Variants in C1orf21 observed in about 807,000 individuals in gnomAD.
C1orf21 encodes the protein chromosome 1 open reading frame 21, also known as uncharacterized protein C1orf21.
In C1orf21, 3 loss-of-function variants were observed where a neutral mutation model predicts 18.7. That is an observed-to-expected ratio of 0.16 (90% confidence interval 0.07 to 0.42). C1orf21 has a LOEUF of 0.42. Ranked by LOEUF, C1orf21 falls within the 10% of genes least tolerant of loss-of-function variation. The pLI is 0.99. For missense variants in C1orf21, 104 were observed against 143.6 expected (o/e 0.72, Z 1.41); for synonymous variants, 41 against 46.4 (o/e 0.88, Z 0.47).
At chr1:184,574,424 A>G (rs1452921919) in intron 3 of C1orf21, among the ~76,000 whole-genome samples, 1 of 152,234 alleles carries the variant, frequency 6.6e-6, no homozygotes, top group Non-Finnish European at 1.5e-5. Context: ...GAATTAACAA[A>G]CCATATAAGT....
At chr1:184,515,593 A>G (rs570618032) in intron 3 of C1orf21, among the ~76,000 whole-genome samples, 2 of 152,324 alleles carry the variant, frequency 1.3e-5, no homozygotes, top group South Asian at 4.1e-4. Flanking sequence ...ATTTTGGCAG[A>G]TAAAGGACAT....
In C1orf21 at chr1:184,624,959, T is replaced by G. The variant is rs937133126; in HGVS notation, c.*5403T>G. ...AAACAATGTCCTTGTGTAAAGGGGC[T>G]GTCATATCCAGTTTTCCTTTGAAAT... On this transcript the variant is annotated 3_prime_UTR_variant, in exon 6 of 6. Coordinates refer to ENST00000235307, the MANE Select transcript of C1orf21 (RefSeq NM_030806.4). 3.9e-5 allele frequency: 6 copies of G among 152,204 alleles called. No homozygotes were observed. Among genetic ancestry groups the G allele is most frequent in the Non-Finnish European group, 8.8e-5 (6 of 68,028 alleles). The allele number at this position is 152,204 out of a possible 1,614,324, so 9.4% of individuals were successfully genotyped here.
At position 184,572,912 on chromosome 1, in the gene C1orf21, C is replaced by A. The variant is rs930331279; in HGVS notation, c.190-17827C>A. On this transcript the variant is annotated intron_variant, in intron 3 of 5. Coordinates refer to ENST00000235307, the MANE Select transcript of C1orf21 (RefSeq NM_030806.4). ...GTTGCAGTGAGCCAAGATCACGCCA[C>A]TGTACTCTAGCCTGGGAGACAGAGC... Among the ~76,000 whole-genome samples, 4 of 149,680 alleles carry A rather than the reference C, an allele frequency of 2.7e-5. No individual in the cohort carries two copies. In the East Asian group the frequency reaches 5.9e-4, roughly 22 times the overall value.
chr1:184,445,374 C>CTT (rs397756995), intron 1 of C1orf21, among the ~76,000 whole-genome samples: 28 of 151,208 alleles, frequency 1.9e-4, no homozygotes, highest in Admixed American at 4.6e-4. Context: ...CTCTCTCTCT[C>CTT]GCAAGGAGCT....
intron 3 of C1orf21, among the ~76,000 whole-genome samples, chr1:184,539,263 T>C (rs1259777524): frequency 1.3e-5 from 2 of 152,208 alleles, no homozygotes; most frequent in Non-Finnish European, 2.9e-5. Context: ...TATGTTTTTT[T>C]CCCTTTATTC....
chr1:184,531,753 G>A (rs1409370081), intron 3 of C1orf21, among the ~76,000 whole-genome samples: 1 of 152,036 alleles, frequency 6.6e-6, no homozygotes, highest in African/African-American at 2.4e-5. Flanking sequence ...AGGGTCAAGA[G>A]CAGGTCAGTC....
intron 1 of C1orf21, among the ~76,000 whole-genome samples, chr1:184,463,178 C>T (rs1411238274): frequency 6.6e-5 from 10 of 151,680 alleles, no homozygotes; most frequent in Non-Finnish European, 1.2e-4. Flanking sequence ...GGCATCAGCT[C>T]AGCTATGACC....
chr1:184,559,656 C>T (rs1186054708), intron 3 of C1orf21, among the ~76,000 whole-genome samples: 1 of 126,782 alleles, frequency 7.9e-6, no homozygotes, highest in African/African-American at 2.8e-5. Flanking sequence ...TTCACATGTT[C>T]TGTCACCCAG....
At position 184,425,767 on chromosome 1, in the gene C1orf21, C is replaced by A. The variant is rs966166379; in HGVS notation, c.-125+38399C>A. On this transcript the variant is annotated intron_variant, in intron 1 of 5. Coordinates refer to ENST00000235307, the MANE Select transcript of C1orf21 (RefSeq NM_030806.4). ...TTTTGAAAAACCTTTCCTTACTTGCCTGGCAGAATTAATTTTTCTTACCAG... is the reference window on the plus strand; with the variant it reads ...TTTTGAAAAACCTTTCCTTACTTGCATGGCAGAATTAATTTTTCTTACCAG... Among the ~76,000 whole-genome samples the A allele has an allele frequency of 6.6e-5, 10 of 152,298 alleles. No homozygotes were observed. The South Asian group carries it at 8.3e-4, about 13-fold the overall frequency.
At position 184,612,894 on chromosome 1, in the gene C1orf21, A is replaced by AGG. The variant is rs1659759995; in HGVS notation, c.328-6624_328-6623insGG. Reference sequence around the variant, plus strand: ...TATAGTATATTATTAGAATTGTTCTATTATTAGTTGTTACTGTTGTTACTC... The same window carrying AGG: ...TATAGTATATTATTAGAATTGTTCTAGGTTATTAGTTGTTACTGTTGTTACTC... On this transcript the variant is annotated intron_variant, in intron 5 of 5. Coordinates refer to ENST00000235307, the MANE Select transcript of C1orf21 (RefSeq NM_030806.4). 2.0e-5 allele frequency among the ~76,000 whole-genome samples: 3 copies of AGG among 152,162 alleles called. No individual in the cohort carries two copies. In the South Asian group the frequency reaches 6.2e-4, roughly 31 times the overall value.
rs1449968559 is a variant in C1orf21, at chr1:184,387,458, A to T, written c.-125+90A>T. 1 of 152,242 alleles carries T rather than the reference A, an allele frequency of 6.6e-6. No individual in the cohort carries two copies. The highest frequency in any genetic ancestry group is 1.5e-5 in the Non-Finnish European group (1 of 68,170). 9.4% of individuals were successfully genotyped at this position (152,242 alleles called of 1,614,324 possible). ...GCTACCCGGGCATCCCCGGGTGGGC[A>T]GGGAGGGAGGCCTGCGGGGTGTCTG... is the stretch of plus-strand genomic sequence containing the variant. On this transcript the variant is annotated intron_variant, in intron 1 of 5. Transcript: ENST00000235307. The surrounding 1 kb of genome is among the most constrained non-coding windows in gnomAD (Gnocchi z 5.6).
chr1:184,610,907 G>A (rs1571301163), intron 5 of C1orf21, among the ~76,000 whole-genome samples: 2 of 151,558 alleles, frequency 1.3e-5, no homozygotes, highest in Admixed American at 6.6e-5. Context: ...ATGGGGATTC[G>A]GGTATAATAA....
At chr1:184,453,191 A>T (rs1657149416) in intron 1 of C1orf21, among the ~76,000 whole-genome samples, 1 of 152,146 alleles carries the variant, frequency 6.6e-6, no homozygotes, top group South Asian at 2.1e-4. Flanking sequence ...ATTTTAAAGA[A>T]CTGAACCCCA....
chr1:184,405,409 T>C (rs976344886), intron 1 of C1orf21, among the ~76,000 whole-genome samples: 6 of 152,118 alleles, frequency 3.9e-5, no homozygotes, highest in Non-Finnish European at 7.4e-5. Context: ...TTGCCCAGGC[T>C]GGTCTTGAAC....
chr1:184,424,981 A>G (rs1656610723), intron 1 of C1orf21, among the ~76,000 whole-genome samples: 2 of 152,318 alleles, frequency 1.3e-5, no homozygotes, highest in African/African-American at 2.4e-5. Flanking sequence ...TCCATCCTGC[A>G]TTTATGAACA....
At chr1:184,513,191 A>T (rs1658177238) in intron 3 of C1orf21, among the ~76,000 whole-genome samples, 1 of 152,224 alleles carries the variant, frequency 6.6e-6, no homozygotes, top group African/African-American at 2.4e-5. Flanking sequence ...TATTAGAAGA[A>T]ATTATGTGAG....
intron 1 of C1orf21, among the ~76,000 whole-genome samples, chr1:184,403,144 A>G (rs1656190485): frequency 6.6e-6 from 1 of 152,214 alleles, no homozygotes; most frequent in Non-Finnish European, 1.5e-5. Context: ...CTTAACATGT[A>G]CAAGAATGCA....
At chr1:184,536,846 T>TG (rs559283749) in intron 3 of C1orf21, among the ~76,000 whole-genome samples, 116 of 100,410 alleles carry the variant, frequency 1.2e-3, no homozygotes, top group African/African-American at 5.5e-3. Context: ...TATTCTTTTG[T>TG]GGAAAAAAAA....
At chr1:184,609,512 G>C (rs1205284934) in intron 5 of C1orf21, among the ~76,000 whole-genome samples, 2 of 152,202 alleles carry the variant, frequency 1.3e-5, no homozygotes, top group Non-Finnish European at 2.9e-5. Context: ...TAAAGCCATT[G>C]TCCAAAAGGA....
Sources: gnomAD v4.1 joint callset for allele counts (sites outside exome capture counted in the v4.1 genomes callset) on GRCh38, gnomAD v4.1.1 for gene constraint, Gnocchi (gnomAD v3.1) non-coding constraint, MANE v1.5 for transcripts, NCBI Gene and HGNC (gene_info 2026-07-23, HGNC 2026-07-21) for gene names.